Variants in SYBU observed in about 807,000 individuals in gnomAD.
The protein encoded by SYBU is GOLSYN A protein.
SYBU carries 21 observed loss-of-function variants against 35.9 expected under a neutral mutation model. That is an observed-to-expected ratio of 0.58 (90% CI 0.41 to 0.84). The LOEUF is 0.84. Ranked by LOEUF, SYBU falls within the 40% of genes least tolerant of loss-of-function variation. The probability of loss-of-function intolerance (pLI) is 0.00; values close to 1 mark genes in which losing one functional copy is unlikely to be tolerated. For missense variants in SYBU, 768 were observed against 848.2 expected (o/e 0.91, Z 1.17); for synonymous variants, 319 against 324.3 (o/e 0.98, Z 0.18).
intron 3 of SYBU, among the ~76,000 whole-genome samples, chr8:109,612,994 A>AAAG (rs1198526424): frequency 4.0e-5 from 3 of 75,258 alleles, no homozygotes; most frequent in Admixed American, 2.4e-4. Flanking sequence ...AAAAAAAAAA[A>AAAG]AAGAAGAAGA....
chr8:109,593,278 C>T (rs552680223), intron 3 of SYBU, among the ~76,000 whole-genome samples: 2 of 152,184 alleles, frequency 1.3e-5, no homozygotes, highest in South Asian at 2.1e-4. Flanking sequence ...CTCTTCAGTG[C>T]GATGTGAACA....
At position 109,579,072 on chromosome 8, in the gene SYBU, CAGGAAGAAGGCCGAAGG is replaced by C. The variant is rs1822700601; in HGVS notation, c.734+710_734+726del. Among the ~76,000 whole-genome samples the C allele has an allele frequency of 2.0e-5, 3 of 152,204 alleles. No individual in the cohort carries two copies. The South Asian group carries it at 6.2e-4, about 32-fold the overall frequency. On this transcript the variant is annotated intron_variant, in intron 5 of 6. Transcript: ENST00000276646. ...GACTGACGAGAATAGGGATGCCCAG[CAGGAAGAAGGCCGAAGG>C]AGGAGGGCAGCCAGCTCCTTCCCTG...
At chr8:109,597,704 G>A (rs968988129) in intron 3 of SYBU, among the ~76,000 whole-genome samples, 5 of 152,020 alleles carry the variant, frequency 3.3e-5, no homozygotes, top group African/African-American at 1.2e-4. Context: ...ACAGAGTAAG[G>A]CCCTGTCTCA....
chr8:109,607,808 T>TCACACACACACACACACACACACA (rs71305960), intron 3 of SYBU: 3 of 356,166 alleles, frequency 8.4e-6, no homozygotes, highest in African/African-American at 2.4e-5. Context: ...CACAACTAAC[T>TCACACACACACACACACACACACA]CACACACACA....
intron 1 of SYBU, among the ~76,000 whole-genome samples, chr8:109,664,617 A>T (rs1442682645): frequency 6.6e-6 from 1 of 152,216 alleles, no homozygotes; most frequent in African/African-American, 2.4e-5. Context: ...TTAAGTACTA[A>T]AGAGATTAGA....
chr8:109,628,768 G>A (rs750313362), intron 2 of SYBU, among the ~76,000 whole-genome samples: 2 of 152,020 alleles, frequency 1.3e-5, no homozygotes, highest in Non-Finnish European at 2.9e-5. Flanking sequence ...GCTGCAGTGA[G>A]CTGAGGTCGT....
chr8:109,644,837 C>G, upstream of SYBU: 3 of 588,710 alleles, frequency 5.1e-6, no homozygotes, highest in East Asian at 3.5e-5. Flanking sequence ...TCCGAGGGCA[C>G]GCCCGACCCC....
intron 2 of SYBU, among the ~76,000 whole-genome samples, chr8:109,622,187 A>G (rs1364744216): frequency 4.7e-5 from 6 of 127,686 alleles, no homozygotes; most frequent in Non-Finnish European, 7.6e-5. Context: ...ATGAGTATCT[A>G]TCTATCTATC....
chr8:109,637,645 T>A (rs767573564), intron 2 of SYBU, among the ~76,000 whole-genome samples: 2 of 152,190 alleles, frequency 1.3e-5, no homozygotes, highest in Non-Finnish European at 2.9e-5. Flanking sequence ...GAATTGCAGC[T>A]CACTTCACTT....
In SYBU at chr8:109,575,083, G is replaced by A. The variant is rs1305263110; in HGVS notation, c.1815C>T (p.Ser605=). 6.2e-7 allele frequency: 1 copy of A among 1,609,782 alleles called. No homozygotes were observed. Among genetic ancestry groups the A allele is most frequent in the Non-Finnish European group, 8.5e-7 (1 of 1,177,230 alleles). ...CAGCCAGGAGATCCACCAGGAAGCT[G>A]CTGCTCCAGTACTGCCTCACGACGC... The part of the protein sequence containing the change: ...RGGVVRQYWS[S]SFLVDLLAVA... Residue 605 remains serine (S), a synonymous_variant, in exon 7 of 7, where the codon AGC becomes AGT. Transcript: ENST00000276646.
intron 1 of SYBU, among the ~76,000 whole-genome samples, chr8:109,677,035 T>TG (rs1491147395): frequency 1.0e-4 from 12 of 118,338 alleles, no homozygotes; most frequent in Admixed American, 8.4e-4. Context: ...AGGGTGTTCA[T>TG]GTGTGTGTGT....
intron 4 of SYBU, among the ~76,000 whole-genome samples, chr8:109,583,274 C>T (rs1464424834): frequency 6.6e-6 from 1 of 152,180 alleles, no homozygotes; most frequent in Non-Finnish European, 1.5e-5. Flanking sequence ...TATCCCAAAA[C>T]AGGAGACTGA....
chr8:109,623,387 G>C (rs951547898), intron 2 of SYBU, among the ~76,000 whole-genome samples: 4 of 152,104 alleles, frequency 2.6e-5, no homozygotes, highest in Non-Finnish European at 5.9e-5. Flanking sequence ...GCTTAAAATT[G>C]GTGAACACAC....
chr8:109,656,103 G>A (rs374928503), intron 1 of SYBU, among the ~76,000 whole-genome samples: 63 of 140,244 alleles, frequency 4.5e-4, no homozygotes, highest in African/African-American at 1.7e-3. Flanking sequence ...ACAACAGAGC[G>A]AGACTCCGTC....
At chr8:109,598,336 T>C (rs1216593681) in intron 3 of SYBU, among the ~76,000 whole-genome samples, 1 of 152,266 alleles carries the variant, frequency 6.6e-6, no homozygotes, top group Non-Finnish European at 1.5e-5. Context: ...GTACTAACCA[T>C]GCTGCATGTA....
At chr8:109,679,253 C>G (rs1174026392) in intron 1 of SYBU, among the ~76,000 whole-genome samples, 1 of 152,180 alleles carries the variant, frequency 6.6e-6, no homozygotes. Flanking sequence ...TTGCCCATCC[C>G]TTTCCCAGAA....
chr8:109,577,444 A>G (rs1477365616), intron 6 of SYBU, among the ~76,000 whole-genome samples: 4 of 152,096 alleles, frequency 2.6e-5, no homozygotes, highest in Admixed American at 1.3e-4. Context: ...AGGAATCACA[A>G]TGCACACAGA....
chr8:109,687,721 C>CTGGCAAAGCATA, intron 1 of SYBU, among the ~76,000 whole-genome samples: 1 of 152,070 alleles, frequency 6.6e-6, no homozygotes, highest in East Asian at 1.9e-4. Context: ...AGTGTTAGAA[C>CTGGCAAAGCATA]TGGCAAAGCA....
chr8:109,640,577 T>G (rs767298238), intron 2 of SYBU, among the ~76,000 whole-genome samples: 14 of 152,276 alleles, frequency 9.2e-5, no homozygotes, highest in Admixed American at 3.3e-4. Context: ...TAAACAGCAT[T>G]ACATTCTGCA....
Sources: gnomAD v4.1 joint callset for allele counts (sites outside exome capture counted in the v4.1 genomes callset) on GRCh38, gnomAD v4.1.1 for gene constraint, MANE v1.5 for transcripts, NCBI Gene and HGNC (gene_info 2026-07-23, HGNC 2026-07-21) for gene names.